The following TCF7L2 variants were observed in gnomAD, a reference collection of about 807,000 sequenced individuals.
The protein encoded by TCF7L2 is transcription factor 7 like 2.
Under a neutral mutation model 77.9 loss-of-function variants are expected in TCF7L2, and 23 were observed. The observed-to-expected ratio is 0.30, with a 90% CI of 0.21 to 0.42. TCF7L2 has a LOEUF of 0.42. Among genes scored for constraint, TCF7L2 ranks in the 10% least tolerant of loss-of-function variants. TCF7L2 has a pLI of 1.00. For missense variants in TCF7L2, 654 were observed against 793.1 expected, an observed-to-expected ratio of 0.82 and a Z score of 2.11; for synonymous variants, 413 against 340.2, an observed-to-expected ratio of 1.21 and a Z score of -2.36.
chr10:112,973,131 G>T (rs931970943), intron 4 of TCF7L2, among the ~76,000 whole-genome samples: 2 of 152,216 alleles, frequency 1.3e-5, no homozygotes, highest in African/African-American at 4.8e-5. Flanking sequence ...GATTAGGTCA[G>T]TGTTTCACAA....
At chr10:113,130,379 A>G (rs1052306728) in intron 5 of TCF7L2, among the ~76,000 whole-genome samples, 1 of 152,242 alleles carries the variant, frequency 6.6e-6, no homozygotes, top group Non-Finnish European at 1.5e-5. Context: ...TCCATCAGAA[A>G]AGAGAGAAGG....
At chr10:112,992,850 G>A (rs1432794665) in intron 4 of TCF7L2, among the ~76,000 whole-genome samples, 3 of 150,892 alleles carry the variant, frequency 2.0e-5, no homozygotes, top group Non-Finnish European at 2.9e-5. Flanking sequence ...TGCAACCTCC[G>A]CCCTCCGAGT....
At chr10:113,099,799 G>A (rs762820833) in intron 5 of TCF7L2, among the ~76,000 whole-genome samples, 8 of 152,040 alleles carry the variant, frequency 5.3e-5, no homozygotes, top group South Asian at 2.1e-4. Flanking sequence ...ACTTGCCATC[G>A]CAGCCAATTG....
At chr10:113,002,487 G>A (rs989333892) in intron 4 of TCF7L2, among the ~76,000 whole-genome samples, 1 of 152,164 alleles carries the variant, frequency 6.6e-6, no homozygotes, top group African/African-American at 2.4e-5. Context: ...TGTGACAGGA[G>A]TCATCCAGCC....
At chr10:112,992,515 G>T (rs1169501676) in intron 4 of TCF7L2, among the ~76,000 whole-genome samples, 1 of 152,172 alleles carries the variant, frequency 6.6e-6, no homozygotes, top group Non-Finnish European at 1.5e-5. Flanking sequence ...CAAAAGGAGT[G>T]CAGCCTGCCC....
At chr10:113,016,559 G>A (rs1278901196) in intron 4 of TCF7L2, among the ~76,000 whole-genome samples, 3 of 152,066 alleles carry the variant, frequency 2.0e-5, no homozygotes, top group African/African-American at 7.2e-5. Context: ...TTGGCATGCC[G>A]AGGCGGGCAC....
chr10:113,045,307 A>G (rs2053238912), intron 5 of TCF7L2, among the ~76,000 whole-genome samples: 1 of 152,044 alleles, frequency 6.6e-6, no homozygotes, highest in Admixed American at 6.5e-5. Context: ...TGTTCTAGAG[A>G]GGAGGAACTA....
rs1234596476 is a variant in TCF7L2 at position 113,076,120 on chromosome 10, A to G, written c.552+35994A>G. Among the ~76,000 whole-genome samples the G allele has an allele frequency of 2.9e-5, 4 of 138,492 alleles. No homozygotes were observed. In the East Asian group the frequency reaches 6.3e-4, roughly 22 times the overall value. The allele number at this position is 138,492 out of a possible 152,430, so 90.9% of individuals were successfully genotyped here. A position where few individuals can be genotyped will look rare whatever the true frequency, so the allele number is the denominator to read the frequency against. ...CACTGCACTCCAGCGTAGGCAACAG[A>G]GCAAGACTCCATCTCAAAAAAAAAA... On this transcript the variant is annotated intron_variant, in intron 5 of 13. Transcript: ENST00000627217.
intron 5 of TCF7L2, among the ~76,000 whole-genome samples, chr10:113,100,400 G>GCT (rs1449879783): frequency 1.3e-5 from 2 of 152,182 alleles, no homozygotes; most frequent in African/African-American, 4.8e-5. Flanking sequence ...AGAATGATCA[G>GCT]CTCTGCTCTG....
chr10:112,994,389 G>A (rs1244300195), intron 4 of TCF7L2, among the ~76,000 whole-genome samples: 2 of 152,104 alleles, frequency 1.3e-5, no homozygotes, highest in East Asian at 3.9e-4. Flanking sequence ...ATCCAGTATT[G>A]TAGCATCTAT....
At chr10:113,085,091 A>G (rs1305545841) in intron 5 of TCF7L2, among the ~76,000 whole-genome samples, 1 of 151,710 alleles carries the variant, frequency 6.6e-6, no homozygotes, top group Non-Finnish European at 1.5e-5. Context: ...TTTTTTATTC[A>G]GGTTTCCCTC....
chr10:112,962,435 A>G (rs1039892544), intron 3 of TCF7L2, among the ~76,000 whole-genome samples: 12 of 152,292 alleles, frequency 7.9e-5, no homozygotes, highest in African/African-American at 2.9e-4. Flanking sequence ...CCAGGCTCGC[A>G]GAGAAACCTG....
At chr10:113,157,503 G>A (rs2072187376) in intron 11 of TCF7L2, among the ~76,000 whole-genome samples, 1 of 152,206 alleles carries the variant, frequency 6.6e-6, no homozygotes, top group African/African-American at 2.4e-5. Flanking sequence ...AACTCTAAGA[G>A]AAGCCTCTGC....
intron 5 of TCF7L2, chr10:113,129,210 C>T (rs1278387556): frequency 6.6e-6 from 4 of 610,588 alleles, no homozygotes; most frequent in African/African-American, 2.0e-5. Flanking sequence ...CCTCCTCCCT[C>T]CCCTCTCCCA....
intron 11 of TCF7L2, among the ~76,000 whole-genome samples, chr10:113,155,514 CT>C (rs1311309693): frequency 2.6e-5 from 4 of 152,218 alleles, no homozygotes; most frequent in African/African-American, 9.6e-5. Context: ...CTCCAGAAGT[CT>C]CTAGTCTAAA....
At chr10:113,098,914 CA>C (rs1309540449) in intron 5 of TCF7L2, among the ~76,000 whole-genome samples, 1 of 152,072 alleles carries the variant, frequency 6.6e-6, no homozygotes, top group African/African-American at 2.4e-5. Flanking sequence ...TTATTTTCTC[CA>C]TTTGATAGAT....
intron 5 of TCF7L2, among the ~76,000 whole-genome samples, chr10:113,069,614 A>G (rs932822996): frequency 2.6e-5 from 4 of 152,162 alleles, no homozygotes; most frequent in Non-Finnish European, 5.9e-5. Context: ...AACCATTGAC[A>G]TTCAGACATT....
chr10:113,094,288 T>C (rs1564885799), intron 5 of TCF7L2, among the ~76,000 whole-genome samples: 1 of 152,216 alleles, frequency 6.6e-6, no homozygotes, highest in Non-Finnish European at 1.5e-5. Flanking sequence ...CTATGTGGCT[T>C]ATTTTATGTC....
At chr10:113,129,277 A>G (rs916533184) in intron 5 of TCF7L2, 46 of 984,194 alleles carry the variant, frequency 4.7e-5, no homozygotes, top group Non-Finnish European at 5.4e-5. Context: ...TTGCAGATAA[A>G]GTGCCTGCCT....
Sources: allele counts gnomAD v4.1 joint callset (sites outside exome capture counted in the v4.1 genomes callset), GRCh38; gene constraint gnomAD v4.1.1; transcripts MANE v1.5; gene names NCBI Gene and HGNC (gene_info 2026-07-23, HGNC 2026-07-21).